ALYREF: variants seen among roughly 807,000 people sequenced by gnomAD.
ALYREF encodes the protein THO complex subunit 4.
ALYREF carries 1 observed loss-of-function variant against 25.2 expected under a neutral mutation model. The ratio of observed to expected loss-of-function variants is 0.04; its 90% CI spans 0.01 to 0.19. The LOEUF (loss-of-function observed/expected upper bound fraction) is 0.19, where lower values mean the gene tolerates loss of function less well. Ranked by LOEUF, ALYREF falls within the 10% of genes least tolerant of loss-of-function variation. ALYREF has a pLI of 1.00. For missense variants in ALYREF, 328 were observed against 375.6 expected, an observed-to-expected ratio of 0.87 and a Z score of 1.05; for synonymous variants, 193 against 153.5, an observed-to-expected ratio of 1.26 and a Z score of -1.90.
rs1412335082 is a variant in ALYREF, at chr17:81,889,263, A to G, written c.457T>C (p.Leu153=). Residue 153 remains leucine (L), a synonymous_variant, in exon 3 of 6, where the codon TTA becomes CTA. Transcript: ENST00000505490. ...AVHYDRSGRS[L]GTADVHFERK... Reference sequence around the variant, plus strand: ...TCAAAGTGCACGTCTGCTGTTCCTAAGCTGCGACCAGAGCGATCATAGTGC... The same window carrying G: ...TCAAAGTGCACGTCTGCTGTTCCTAGGCTGCGACCAGAGCGATCATAGTGC... 1 of 1,614,210 alleles carries G rather than the reference A, an allele frequency of 6.2e-7. No individual in the cohort carries two copies. Among genetic ancestry groups the G allele is most frequent in the South Asian group, 1.1e-5 (1 of 91,084 alleles).
At position 81,891,481 on chromosome 17, in the gene ALYREF, G is replaced by GGCCCCC. The variant is rs758883369; in HGVS notation, c.94_99dup (p.Gly32_Gly33dup). 52 of 1,200,134 alleles carry GGCCCCC rather than the reference G, an allele frequency of 4.3e-5. No homozygotes were observed. The highest frequency in any genetic ancestry group is 4.6e-5 in the Non-Finnish European group (44 of 951,334). 74.3% of individuals were successfully genotyped at this position (1,200,134 alleles called of 1,614,324 possible). ...TGGGAGCCGGCCCGGCCGCGGCCCC[G>GGCCCCC]GCCCCCGCCCCGGCCGCCTCGCTGG... is the stretch of plus-strand genomic sequence containing the variant. On this transcript the variant is annotated inframe_insertion, in exon 1 of 6. Transcript: ENST00000505490.
Position 81,888,698 on chromosome 17 carries a change from A to G in ALYREF, c.539-115T>C. The G allele has an allele frequency of 6.6e-7, 1 of 1,509,020 alleles. No individual in the cohort carries two copies. The highest frequency in any genetic ancestry group is 1.3e-5 in the South Asian group (1 of 78,972). 93.5% of individuals were successfully genotyped at this position (1,509,020 alleles called of 1,614,324 possible). On this transcript the variant is annotated intron_variant, in intron 3 of 5. Transcript: ENST00000505490. This position sits in a 1 kb window ranked among gnomAD's most constrained non-coding sequence, Gnocchi z 5.8. ...TGGAAAGGGCCTCTGTGCGTCTCAA[A>G]TGCCCCCGACAAGGGAAATGGCCTG...
intron 2 of ALYREF, 88 bp from the exon 3 acceptor site, chr17:81,889,417 G>A: frequency 6.7e-7 from 1 of 1,490,742 alleles, no homozygotes; most frequent in Non-Finnish European, 9.3e-7. Context: ...AGCGTGAGTT[G>A]CTTTGGGGGT....
At position 81,889,367 on chromosome 17, in the gene ALYREF, A is replaced by C. The variant is rs904314731; in HGVS notation, c.391-38T>G. ...GAGAGCAGTTGTCAGAAAAGCAACA[A>C]AACTGCGTTCCTTCTGGTGGCCCAG... On this transcript the variant is annotated intron_variant, in intron 2 of 5. Coordinates refer to ENST00000505490, the MANE Select transcript of ALYREF (RefSeq NM_005782.4). 1.2e-5 allele frequency: 19 copies of C among 1,606,486 alleles called. No homozygotes were observed. In the African/African-American group the frequency reaches 2.5e-4, roughly 21 times the overall value.
At chr17:81,889,402 C>G (rs2039472634) in intron 2 of ALYREF, 73 bp from the exon 3 acceptor site, 17 of 1,565,424 alleles carry the variant, frequency 1.1e-5, no homozygotes, top group Non-Finnish European at 1.5e-5. Flanking sequence ...GGGACAGGCC[C>G]TGGAAGCGTG....
Position 81,888,705 on chromosome 17 carries a change from C to A in ALYREF, c.539-122G>T. The A allele has an allele frequency of 6.7e-7, 1 of 1,499,866 alleles. No individual in the cohort carries two copies. The highest frequency in any genetic ancestry group is 2.1e-5 in the Admixed American group (1 of 46,722). The allele number at this position is 1,499,866 out of a possible 1,614,324, so 92.9% of individuals were successfully genotyped here. On this transcript the variant is annotated intron_variant, in intron 3 of 5. Coordinates refer to ENST00000505490, the MANE Select transcript of ALYREF (RefSeq NM_005782.4). This position sits in a 1 kb window ranked among gnomAD's most constrained non-coding sequence, Gnocchi z 5.8. ...GGCCTCTGTGCGTCTCAAATGCCCC[C>A]GACAAGGGAAATGGCCTGGAGATAC...
At chr17:81,891,027 TA>T in intron 1 of ALYREF, 1 of 766,666 alleles carries the variant, frequency 1.3e-6, no homozygotes, top group Non-Finnish European at 2.0e-6. Context: ...TCCCTTAGAC[TA>T]ACTTCCCGCC....
At position 81,891,495 on chromosome 17, in the gene ALYREF, C is replaced by A; in HGVS notation, c.86G>T (p.Gly29Val). 7.9e-7 allele frequency: 1 copy of A among 1,260,620 alleles called. No individual in the cohort carries two copies. The highest frequency in any genetic ancestry group is 1.7e-5 in the South Asian group (1 of 57,464). The allele number at this position is 1,260,620 out of a possible 1,614,324, so 78.1% of individuals were successfully genotyped here. ...GCCGCGGCCCCGGCCCCCGCCCCGG[C>A]CGCCTCGCTGGCTCCGGTTCAGTTT... ...IIKLNRSQRG[G>V]RGGGRGRGRA... is the part of the protein sequence containing the mutation. The change falls in exon 1 of 6, where the codon GGC (glycine) becomes GTC (valine). Residue 29 changes from glycine (G) to valine (V), a missense_variant. Physicochemically the swap from Gly to Val is moderately radical, Grantham distance 109. Transcript: ENST00000505490.
chr17:81,890,324 T>C (rs2039495013), intron 2 of ALYREF, among the ~76,000 whole-genome samples: 1 of 152,118 alleles, frequency 6.6e-6, no homozygotes, highest in Non-Finnish European at 1.5e-5. Flanking sequence ...AGAAGATTCT[T>C]TTTCTCACAT....
intron 2 of ALYREF, among the ~76,000 whole-genome samples, chr17:81,889,533 TG>T (rs922258296): frequency 7.9e-5 from 12 of 152,108 alleles, no homozygotes; most frequent in African/African-American, 2.7e-4. Context: ...CCTGCCATTG[TG>T]GGGACCTGAC....
intron 2 of ALYREF, chr17:81,889,866 G>A (rs2039481319): frequency 6.4e-6 from 1 of 155,286 alleles, no homozygotes; most frequent in Non-Finnish European, 1.4e-5. Context: ...CAGGCAGGCT[G>A]GGAGTTGGAG....
At position 81,888,645 on chromosome 17, in the gene ALYREF, C is replaced by T. The variant is rs373847105; in HGVS notation, c.539-62G>A. 1.0e-4 allele frequency: 156 copies of T among 1,548,636 alleles called. No homozygotes were observed. The highest frequency in any genetic ancestry group is 2.4e-4 in the East Asian group (10 of 41,320). On this transcript the variant is annotated intron_variant, in intron 3 of 5. Coordinates refer to ENST00000505490, the MANE Select transcript of ALYREF (RefSeq NM_005782.4). This position sits in a 1 kb window ranked among gnomAD's most constrained non-coding sequence, Gnocchi z 5.8. ...GAGGCTCTGAAACCCACCCAGCTGG[C>T]GCCACACCCTGGTCTCCATGCAAAC...
chr17:81,889,931 G>A (rs1249073122), intron 2 of ALYREF: 4 of 153,864 alleles, frequency 2.6e-5, no homozygotes, highest in African/African-American at 9.7e-5. Context: ...GGGAACTGGA[G>A]TTCACCAAAA....
chr17:81,889,299 T>G lies in ALYREF; in HGVS notation c.421A>C (p.Lys141Gln). Residue 141 changes from lysine to glutamine, a missense_variant, in exon 3 of 6, where the codon AAG (lysine) becomes CAG (glutamine). This residue lies in a region of ALYREF where 70 missense variants were observed against 129.9 expected (regional missense o/e 0.54). Coordinates refer to ENST00000505490, the MANE Select transcript of ALYREF (RefSeq NM_005782.4). The part of the protein sequence containing the change: ...ELFAEFGTLK[K>Q]AAVHYDRSGR... ...GAGCGATCATAGTGCACAGCCGCCTTCTTCAGCGTTCCAAATTCAGCAAAG... is the reference window on the plus strand; with the variant it reads ...GAGCGATCATAGTGCACAGCCGCCTGCTTCAGCGTTCCAAATTCAGCAAAG... 6.2e-7 allele frequency: 1 copy of G among 1,614,178 alleles called. No individual in the cohort carries two copies. The highest frequency in any genetic ancestry group is 1.1e-5 in the South Asian group (1 of 91,092).
chr17:81,888,711 G>C lies in ALYREF; in HGVS notation c.539-128C>G. The C allele has an allele frequency of 4.0e-6, 6 of 1,496,070 alleles. No individual in the cohort carries two copies. Among genetic ancestry groups the C allele is most frequent in the Non-Finnish European group, 5.4e-6 (6 of 1,116,560 alleles). The allele number at this position is 1,496,070 out of a possible 1,614,324, so 92.7% of individuals were successfully genotyped here. Reference sequence around the variant, plus strand: ...TGTGCGTCTCAAATGCCCCCGACAAGGGAAATGGCCTGGAGATACTGGTGG... The same window carrying C: ...TGTGCGTCTCAAATGCCCCCGACAACGGAAATGGCCTGGAGATACTGGTGG... On this transcript the variant is annotated intron_variant, in intron 3 of 5. Transcript: ENST00000505490. This position sits in a 1 kb window ranked among gnomAD's most constrained non-coding sequence, Gnocchi z 5.8.
intron 2 of ALYREF, 63 bp from the exon 3 acceptor site, chr17:81,889,392 G>C: frequency 6.3e-7 from 1 of 1,589,456 alleles, no homozygotes; most frequent in Non-Finnish European, 8.6e-7. Context: ...TGGTGGCCCA[G>C]GGACAGGCCC....
chr17:81,891,035 C>T (rs931806922), intron 1 of ALYREF: 15 of 745,794 alleles, frequency 2.0e-5, no homozygotes, highest in Middle Eastern at 3.9e-4. Flanking sequence ...ACTAACTTCC[C>T]GCCGCCTGTG....
rs1598289820 is a variant in ALYREF at position 81,887,881 on chromosome 17, C to T, written c.*250G>A. ...TATTTTATTATGGAAAAGGTGGAAACGCCACCTTCTCCACAACAGCAACCA... is the reference window on the plus strand; with the variant it reads ...TATTTTATTATGGAAAAGGTGGAAATGCCACCTTCTCCACAACAGCAACCA... On this transcript the variant is annotated 3_prime_UTR_variant, in exon 6 of 6. Coordinates refer to ENST00000505490, the MANE Select transcript of ALYREF (RefSeq NM_005782.4). The T allele has an allele frequency of 4.7e-6, 2 of 427,680 alleles. No homozygotes were observed. The highest frequency in any genetic ancestry group is 8.1e-6 in the Non-Finnish European group (2 of 245,530). The allele number at this position is 427,680 out of a possible 1,614,324, so 26.5% of individuals were successfully genotyped here.
intron 2 of ALYREF, 63 bp from the exon 3 acceptor site, chr17:81,889,392 G>A: frequency 6.3e-7 from 1 of 1,589,456 alleles, no homozygotes; most frequent in African/African-American, 1.3e-5. Flanking sequence ...TGGTGGCCCA[G>A]GGACAGGCCC....
Sources: gnomAD v4.1 joint callset for allele counts (sites outside exome capture counted in the v4.1 genomes callset) on GRCh38, gnomAD v4.1.1 for gene constraint, gnomAD v4.1.1 regional missense constraint, Gnocchi (gnomAD v3.1) non-coding constraint, MANE v1.5 for transcripts, NCBI Gene and HGNC (gene_info 2026-07-23, HGNC 2026-07-21) for gene names.